The following SEMA3G variants were observed in gnomAD, a reference collection of about 807,000 sequenced individuals.
SEMA3G encodes the protein semaphorin-3G.
In SEMA3G, 70 loss-of-function variants were observed where a neutral mutation model predicts 86.2. The observed-to-expected ratio is 0.81, with a 90% confidence interval of 0.67 to 0.99. The LOEUF is 0.99. SEMA3G is among the 50% of genes least tolerant of loss of function. The pLI, the probability that SEMA3G is intolerant of heterozygous loss-of-function variation, is 0.00. For synonymous variants in SEMA3G, 416 were observed against 441.4 expected (o/e 0.94, Z 0.72); for missense variants, 1,002 against 1,072.4 (o/e 0.93, Z 0.92).
chr3:52,444,815 CAG>C (rs2153229786), intron 1 of SEMA3G, 96 bp downstream of exon 1: 3 of 739,092 alleles, frequency 4.1e-6, no homozygotes, highest in Non-Finnish European at 5.7e-6. Context: ...CGCACCCAAA[CAG>C]GGCACATGCA....
In SEMA3G at chr3:52,441,051, G is replaced by A. The variant is rs1218801612; in HGVS notation, c.814-3C>T. 4 of 1,589,596 alleles carry A rather than the reference G, an allele frequency of 2.5e-6. No homozygotes were observed. Among genetic ancestry groups the A allele is most frequent in the Non-Finnish European group, 3.4e-6 (4 of 1,173,352 alleles). ...ACCCGCTGGCCCCCAGCATCATTCT[G>A]CAGGATAAGGGGCCAGAGTCACGCT... On this transcript the variant is annotated splice_region_variant and splice_polypyrimidine_tract_variant and intron_variant, in intron 7 of 15. Coordinates refer to ENST00000231721, the MANE Select transcript of SEMA3G (RefSeq NM_020163.3).
intron 15 of SEMA3G, among the ~76,000 whole-genome samples, chr3:52,437,265 G>C (rs1021208143): frequency 3.3e-5 from 5 of 152,134 alleles, no homozygotes; most frequent in African/African-American, 1.2e-4. Context: ...AGACTTACTG[G>C]CCTGCCCAGA....
Position 52,435,903 on chromosome 3 carries a change from G to A in SEMA3G, c.2049C>T (p.Phe683=), listed in dbSNP as rs1165887877. 6.2e-7 allele frequency: 1 copy of A among 1,613,944 alleles called. No homozygotes were observed. The highest frequency in any genetic ancestry group is 1.3e-5 in the African/African-American group (1 of 74,950). ...GCTCCTCTGGCTTTGGCTCCGGAGG[G>A]AACAGGTTGTCCAGCTGTGAGGCCA... is the stretch of plus-strand genomic sequence containing the variant. ...VIVASQLDNL[F]PPEPKPEEPP... is the part of the protein sequence containing the mutation. The change falls in exon 16 of 16, where the codon TTC becomes TTT. Residue 683 remains phenylalanine, a synonymous_variant. Coordinates refer to ENST00000231721, the MANE Select transcript of SEMA3G (RefSeq NM_020163.3).
At chr3:52,441,159 C>A in intron 7 of SEMA3G, 105 bp downstream of exon 7, 1 of 1,511,982 alleles carries the variant, frequency 6.6e-7, no homozygotes, top group Non-Finnish European at 9.0e-7. Context: ...GCTTTGCATC[C>A]TTGCCTCAGT....
chr3:52,440,178 A>C, intron 10 of SEMA3G, 80 bp from the exon 11 acceptor site: 1 of 1,280,242 alleles, frequency 7.8e-7, no homozygotes, highest in South Asian at 1.5e-5. Flanking sequence ...TTCCACCCCA[A>C]CCAGGGGGAC....
rs1706031492 is a variant in SEMA3G, at chr3:52,435,644, C to T, written c.2308G>A (p.Ala770Thr). The T allele has an allele frequency of 1.2e-6, 2 of 1,613,944 alleles. No individual in the cohort carries two copies. The highest frequency in any genetic ancestry group is 1.1e-5 in the South Asian group (1 of 91,060). ...TCCCGGGGCGTCCGATTGTGCTCGG[C>T]ATGCACCCGGCTCTTCATCTTCTTG... ...LGKKMKSRVHAEHNRTPREVE... is the reference protein window; with the variant it reads ...LGKKMKSRVHTEHNRTPREVE... Residue 770 changes from alanine (A) to threonine (T), a missense_variant, in exon 16 of 16, where the codon GCC becomes ACC. Transcript: ENST00000231721.
chr3:52,439,170 G>A (rs1377989928), intron 12 of SEMA3G, among the ~76,000 whole-genome samples: 1 of 152,098 alleles, frequency 6.6e-6, no homozygotes, highest in Admixed American at 6.5e-5. Context: ...CAAGCAGGAG[G>A]CTTGACTGAA....
At chr3:52,438,408 C>G (rs1023567248) in intron 13 of SEMA3G, 1 of 985,134 alleles carries the variant, frequency 1.0e-6, no homozygotes, top group Non-Finnish European at 1.2e-6. Flanking sequence ...GGAGGAGAAC[C>G]AAGACCTGGG....
chr3:52,437,784 G>C (rs1027400352), intron 14 of SEMA3G, 118 bp from the exon 15 acceptor site: 1 of 1,269,870 alleles, frequency 7.9e-7, no homozygotes, highest in Non-Finnish European at 1.1e-6. Context: ...GGCATGCGTG[G>C]ATCCCCAAGC....
rs1208286930 is a variant in SEMA3G at position 52,442,425 on chromosome 3, C to T, written c.340-121G>A. ...GGGAGGGGGGTGGGTGTGACATTCC[C>T]AGCAGACCTTCAAAAGCCCTCAAGA... On this transcript the variant is annotated intron_variant, in intron 3 of 15. Transcript: ENST00000231721. The surrounding 1 kb of genome is among the most constrained non-coding windows in gnomAD (Gnocchi z 6.1). 3.2e-6 allele frequency: 4 copies of T among 1,243,850 alleles called. No individual in the cohort carries two copies. The highest frequency in any genetic ancestry group is 2.9e-5 in the African/African-American group (2 of 67,866). 77.1% of individuals were successfully genotyped at this position (1,243,850 alleles called of 1,614,324 possible).
At position 52,437,544 on chromosome 3, in the gene SEMA3G, C is replaced by G. The variant is rs746621689; in HGVS notation, c.1861G>C (p.Asp621His). Residue 621 changes from aspartate to histidine, a missense_variant, in exon 15 of 16, where the codon GAT (aspartate) becomes CAT (histidine). Physicochemically the swap from Asp to His is moderately conservative, Grantham distance 81. Transcript: ENST00000231721. The stretch of plus-strand genomic sequence containing the variant: ...TCACTCACCTGGTCAGGCCCCTCAT[C>G]CCCTGGCCTCTGCAAGAGCCAGCGC... ...AVRWLLQRPG[D>H]EGPDQVKTDE... is the part of the protein sequence containing the mutation. The G allele has an allele frequency of 8.1e-6, 13 of 1,612,954 alleles. No individual in the cohort carries two copies. The South Asian group carries it at 8.8e-5, about 11-fold the overall frequency.
intron 12 of SEMA3G, among the ~76,000 whole-genome samples, chr3:52,439,426 CCAGGCACTTTCAGCTCA>C (rs1706104012): frequency 6.6e-6 from 1 of 152,160 alleles, no homozygotes; most frequent in Non-Finnish European, 1.5e-5. Context: ...TCCCAGCACC[CCAGGCACTTTCAGCTCA>C]CAGGCTGTAG....
intron 15 of SEMA3G, among the ~76,000 whole-genome samples, chr3:52,436,423 G>A (rs985071181): frequency 1.3e-5 from 2 of 152,236 alleles, no homozygotes; most frequent in African/African-American, 2.4e-5. Context: ...CCTTCTGGAG[G>A]TACCATCCCA....
At chr3:52,443,953 C>T (rs879639152) in intron 1 of SEMA3G, among the ~76,000 whole-genome samples, 21 of 152,318 alleles carry the variant, frequency 1.4e-4, no homozygotes, top group Middle Eastern at 3.4e-3. Context: ...AGGCCTGAGC[C>T]GGCTCACATG....
rs1706041732 is a variant in SEMA3G, at chr3:52,435,982, G to A, written c.1970C>T (p.Thr657Ile). The change falls in exon 16 of 16, where the codon ACT becomes ATT. Residue 657 changes from threonine (T) to isoleucine (I), a missense_variant. By Grantham distance (89) the Thr-to-Ile change is moderately conservative. Transcript: ENST00000231721. ...RFDAGTYTCT[T>I]LEHGFSQTVV... ...AGTCTGGGAGAAGCCATGCTCCAGAGTGGTGCAGGTGTAGGTGCCCGCATC... is the reference window on the plus strand; with the variant it reads ...AGTCTGGGAGAAGCCATGCTCCAGAATGGTGCAGGTGTAGGTGCCCGCATC... The A allele has an allele frequency of 1.2e-6, 2 of 1,613,970 alleles. No homozygotes were observed. The highest frequency in any genetic ancestry group is 8.5e-7 in the Non-Finnish European group (1 of 1,180,038).
Position 52,439,661 on chromosome 3 carries a change from C to T in SEMA3G, c.1467+19G>A. 6.2e-7 allele frequency: 1 copy of T among 1,601,960 alleles called. No homozygotes were observed. The highest frequency in any genetic ancestry group is 1.1e-5 in the South Asian group (1 of 90,804). ...AGAGATGGGGCTTGGAGGGACCCTT[C>T]CATCAGCCCCTTGCTTACCTTAAAC... On this transcript the variant is annotated intron_variant, in intron 12 of 15. Transcript: ENST00000231721.
At chr3:52,440,897 A>G in intron 8 of SEMA3G, 37 bp downstream of exon 8, 1 of 1,598,648 alleles carries the variant, frequency 6.3e-7, no homozygotes, top group Non-Finnish European at 8.5e-7. Flanking sequence ...AGCCCTCCCC[A>G]CTCCCGAGCC....
At position 52,441,558 on chromosome 3, in the gene SEMA3G, C is replaced by T. The variant is rs766293581; in HGVS notation, c.667+16G>A. The T allele has an allele frequency of 6.8e-6, 11 of 1,606,666 alleles. No individual in the cohort carries two copies. In the South Asian group the frequency reaches 7.7e-5, roughly 11 times the overall value. On this transcript the variant is annotated intron_variant, in intron 6 of 15. Transcript: ENST00000231721. Reference sequence around the variant, plus strand: ...GTAGCCTCTTCACCCCTGCCAGTTCCAGGGGCAGGCCTCACCGTGCAAGAG... The same window carrying T: ...GTAGCCTCTTCACCCCTGCCAGTTCTAGGGGCAGGCCTCACCGTGCAAGAG...
intron 1 of SEMA3G, among the ~76,000 whole-genome samples, chr3:52,443,744 G>A (rs868457770): frequency 4.6e-5 from 7 of 152,148 alleles, no homozygotes; most frequent in Admixed American, 3.3e-4. Flanking sequence ...TTCCCTATTT[G>A]GGGCTTTTTC....
Sources: gnomAD v4.1 joint callset for allele counts (sites outside exome capture counted in the v4.1 genomes callset) on GRCh38, gnomAD v4.1.1 for gene constraint, Gnocchi (gnomAD v3.1) non-coding constraint, MANE v1.5 for transcripts, NCBI Gene and HGNC (gene_info 2026-07-23, HGNC 2026-07-21) for gene names.